Variants in DNAJA2 observed in about 807,000 individuals in gnomAD.
DNAJA2 encodes dnaJ homolog subfamily A member 2.
A neutral mutation model predicts 49.3 loss-of-function variants in DNAJA2; 6 were observed. The ratio of observed to expected loss-of-function variants is 0.12; its 90% CI spans 0.07 to 0.24. The LOEUF (loss-of-function observed/expected upper bound fraction) is 0.24. DNAJA2 is among the 10% of genes least tolerant of loss of function. The pLI is 1.00. For synonymous variants in DNAJA2, 160 were observed against 172.7 expected (o/e 0.93, Z 0.58); for missense variants, 347 against 516.8 (o/e 0.67, Z 3.19).
intron 6 of DNAJA2, 24 bp from the exon 7 acceptor site, chr16:46,959,443 TAC>T (rs771663784): frequency 2.5e-6 from 4 of 1,586,896 alleles, no homozygotes; most frequent in Non-Finnish European, 3.4e-6. Flanking sequence ...ACAAAAGAAA[TAC>T]ATTTTCTTAA....
chr16:46,970,071 C>G (rs1050182172), intron 3 of DNAJA2, among the ~76,000 whole-genome samples: 1 of 152,140 alleles, frequency 6.6e-6, no homozygotes, highest in Admixed American at 6.6e-5. Context: ...CTAATTTACT[C>G]AAGTGTATAA....
chr16:46,960,656 G>A (rs1307669559), intron 6 of DNAJA2, among the ~76,000 whole-genome samples: 1 of 152,102 alleles, frequency 6.6e-6, no homozygotes, highest in Non-Finnish European at 1.5e-5. Context: ...GCACGCGCCT[G>A]TAGTCCCAGC....
chr16:46,971,803 T>A, intron 2 of DNAJA2, 93 bp downstream of exon 2: 2 of 1,170,136 alleles, frequency 1.7e-6, no homozygotes, highest in Non-Finnish European at 2.6e-6. Flanking sequence ...TGGGCATAGT[T>A]GGATTTTTTT....
chr16:46,970,781 G>A (rs551907213), intron 3 of DNAJA2, among the ~76,000 whole-genome samples: 15 of 142,440 alleles, frequency 1.1e-4, no homozygotes, highest in Middle Eastern at 4.0e-3. Context: ...GCTCACGCCT[G>A]TAATCCCAGC....
At chr16:46,971,983 GT>G in intron 1 of DNAJA2, 28 bp from the exon 2 acceptor site, 1 of 1,527,168 alleles carries the variant, frequency 6.5e-7, no homozygotes, top group Non-Finnish European at 9.1e-7. Flanking sequence ...AACAAAAAAG[GT>G]TATAACTAAA....
At chr16:46,968,037 TAAAAG>T (rs761776476) in intron 4 of DNAJA2, 42 bp downstream of exon 4, 37 of 1,492,656 alleles carry the variant, frequency 2.5e-5, no homozygotes, top group Non-Finnish European at 3.0e-5. Flanking sequence ...GTGTGATACT[TAAAAG>T]AACAGACAAA....
Position 46,956,952 on chromosome 16 carries a change from A to C in DNAJA2, c.*77T>G. 1 of 1,498,544 alleles carries C rather than the reference A, an allele frequency of 6.7e-7. No individual in the cohort carries two copies. Among genetic ancestry groups the C allele is most frequent in the Non-Finnish European group, 9.3e-7 (1 of 1,075,722 alleles). The allele number at this position is 1,498,544 out of a possible 1,614,324, so 92.8% of individuals were successfully genotyped here. ...CCCTCAGTTCATCTGGATTGATAAGACACTCCAGCTGGATTGCTGAGAACA... is the reference window on the plus strand; with the variant it reads ...CCCTCAGTTCATCTGGATTGATAAGCCACTCCAGCTGGATTGCTGAGAACA... On this transcript the variant is annotated 3_prime_UTR_variant, in exon 9 of 9. Transcript: ENST00000317089.
Position 46,959,293 on chromosome 16 carries a change from C to T in DNAJA2, c.901G>A (p.Gly301Ser), listed in dbSNP as rs1406981810. The T allele has an allele frequency of 1.2e-6, 2 of 1,613,332 alleles. No homozygotes were observed. Among genetic ancestry groups the T allele is most frequent in the Non-Finnish European group, 1.7e-6 (2 of 1,179,832 alleles). Residue 301 changes from glycine to serine, a missense_variant, in exon 7 of 9, where the codon GGC becomes AGC. Gly to Ser is a moderately conservative substitution (Grantham distance 56). Coordinates refer to ENST00000317089, the MANE Select transcript of DNAJA2 (RefSeq NM_005880.4). ...GRQIVVKYPP[G>S]KVIEPGCVRV... ...GATTTACCTGGTTCAATTACTTTGCCAGGGGGGTATTTCACCACAATCTGA... is the reference window on the plus strand; with the variant it reads ...GATTTACCTGGTTCAATTACTTTGCTAGGGGGGTATTTCACCACAATCTGA...
At chr16:46,958,022 T>A (rs1417638471) in intron 8 of DNAJA2, among the ~76,000 whole-genome samples, 1 of 152,110 alleles carries the variant, frequency 6.6e-6, no homozygotes, top group African/African-American at 2.4e-5. Flanking sequence ...TACTTTAAAA[T>A]TGAAAGTAAC....
Position 46,957,069 on chromosome 16 carries a change from C to T in DNAJA2, c.1199G>A (p.Ser400Asn), listed in dbSNP as rs769147675. 6 of 1,614,160 alleles carry T rather than the reference C, an allele frequency of 3.7e-6. No individual in the cohort carries two copies. In the South Asian group the frequency reaches 6.6e-5, roughly 18 times the overall value. ...CTGCACTCCAGGTCCATGATGGCTG[C>T]TGCTTTCTTCATCAGAGCTATCATT... ...AYNDSSDEESSSHHGPGVQCA... is the reference protein window; with the variant it reads ...AYNDSSDEESNSHHGPGVQCA... The change falls in exon 9 of 9, where the codon AGC becomes AAC. Residue 400 changes from serine to asparagine, a missense_variant. By Grantham distance (46) the Ser-to-Asn change is conservative. Transcript: ENST00000317089.
At chr16:46,973,220 G>A (rs1962082178) in intron 1 of DNAJA2, among the ~76,000 whole-genome samples, 1 of 152,128 alleles carries the variant, frequency 6.6e-6, no homozygotes, top group African/African-American at 2.4e-5. Flanking sequence ...CGTTCAAGGA[G>A]GGAGGAAGGA....
chr16:46,968,427 T>C (rs572362115), intron 3 of DNAJA2, among the ~76,000 whole-genome samples: 6 of 152,342 alleles, frequency 3.9e-5, no homozygotes, highest in African/African-American at 1.2e-4. Context: ...TGTGGTGGAA[T>C]TTCTGATAAA....
intron 1 of DNAJA2, chr16:46,972,272 G>A: frequency 3.7e-6 from 1 of 273,842 alleles, no homozygotes; most frequent in South Asian, 5.3e-5. Flanking sequence ...TGTCTTTGAT[G>A]GCCAAGTAAC....
chr16:46,960,142 T>C (rs980602189), intron 6 of DNAJA2, among the ~76,000 whole-genome samples: 65 of 152,268 alleles, frequency 4.3e-4, no homozygotes, highest in African/African-American at 1.4e-3. Flanking sequence ...GGTTCACTTA[T>C]AGAAAATCTG....
chr16:46,964,500 CCAGTGTT>C, intron 6 of DNAJA2, 104 bp downstream of exon 6: 1 of 1,014,914 alleles, frequency 9.9e-7, no homozygotes, highest in African/African-American at 1.6e-5. Context: ...CTTAACTTCA[CCAGTGTT>C]CAGTGTTGCT....
Position 46,967,530 on chromosome 16 carries a change from G to A in DNAJA2, c.560C>T (p.Ser187Phe). 6.2e-7 allele frequency: 1 copy of A among 1,614,100 alleles called. No homozygotes were observed. The highest frequency in any genetic ancestry group is 8.5e-7 in the Non-Finnish European group (1 of 1,180,032). ...ACACATACCTTCTCCATTACAATCAGAGCACACAGACTGCATCTGTTGTAC... is the reference window on the plus strand; with the variant it reads ...ACACATACCTTCTCCATTACAATCAAAGCACACAGACTGCATCTGTTGTAC... ...GMVQQMQSVC[S>F]DCNGEGEVIN... Residue 187 changes from serine to phenylalanine, a missense_variant, in exon 5 of 9, where the codon TCT becomes TTT. Physicochemically the swap from Ser to Phe is radical, Grantham distance 155 (BLOSUM62 -2). Transcript: ENST00000317089.
intron 8 of DNAJA2, 76 bp from the exon 9 acceptor site, chr16:46,957,296 G>T: frequency 7.4e-7 from 1 of 1,346,476 alleles, no homozygotes; most frequent in South Asian, 1.4e-5. Flanking sequence ...AGAATCCAGT[G>T]TCTGTTTAAG....
intron 6 of DNAJA2, among the ~76,000 whole-genome samples, chr16:46,964,343 G>C (rs1292332895): frequency 6.6e-6 from 1 of 152,212 alleles, no homozygotes; most frequent in African/African-American, 2.4e-5. Flanking sequence ...TTGCACTCCA[G>C]CCTGGGCAAC....
chr16:46,960,372 G>C (rs753887650), intron 6 of DNAJA2, among the ~76,000 whole-genome samples: 14 of 152,172 alleles, frequency 9.2e-5, no homozygotes, highest in Non-Finnish European at 1.9e-4. Context: ...GGCAATTCTT[G>C]TGTGTGTGCT....
Sources: allele counts gnomAD v4.1 joint callset (sites outside exome capture counted in the v4.1 genomes callset), GRCh38; gene constraint gnomAD v4.1.1; transcripts MANE v1.5; gene names NCBI Gene and HGNC (gene_info 2026-07-23, HGNC 2026-07-21).